TUBE1: variants seen among roughly 807,000 people sequenced by gnomAD.
TUBE1 encodes the protein tubulin epsilon 1, also known as tubulin epsilon chain.
Under a neutral mutation model 53.5 loss-of-function variants are expected in TUBE1, and 34 were observed. The ratio of observed to expected loss-of-function variants is 0.64; its 90% CI spans 0.48 to 0.85. The LOEUF is 0.85. Among genes scored for constraint, TUBE1 ranks in the 40% least tolerant of loss-of-function variants. TUBE1 has a pLI of 0.00. For synonymous variants in TUBE1, 177 were observed against 198.4 expected (o/e 0.89, Z 0.91); for missense variants, 532 against 570.5 (o/e 0.93, Z 0.69).
chr6:112,081,187 T>C lies in TUBE1; in HGVS notation c.231A>G (p.Glu77=). 1 of 1,603,368 alleles carries C rather than the reference T, an allele frequency of 6.2e-7. No homozygotes were observed. The highest frequency in any genetic ancestry group is 8.5e-7 in the Non-Finnish European group (1 of 1,173,310). The part of the protein sequence containing the change: ...LKARAVLIDM[E]EGVVNEILQG... ...GCAGAATTTCATTCACTACCCCTTC[T>C]TCCATATCAATCAAGACTGCCTGAG... The change falls in exon 5 of 12, where the codon GAA becomes GAG. Residue 77 remains glutamate, a synonymous_variant. Transcript: ENST00000368662.
At chr6:112,087,332 G>C (rs1562607495) in intron 1 of TUBE1, 26 bp from the exon 2 acceptor site, 8 of 1,551,926 alleles carry the variant, frequency 5.2e-6, no homozygotes, top group Non-Finnish European at 7.0e-6. Context: ...AGGAAGGAAA[G>C]AGAATAGGAC....
At chr6:112,071,599 A>T in intron 11 of TUBE1, 29 bp from the exon 12 acceptor site, 3 of 1,549,856 alleles carry the variant, frequency 1.9e-6, no homozygotes, top group Non-Finnish European at 2.6e-6. Context: ...GGTAACGTTT[A>T]CCATTTCAGG....
intron 3 of TUBE1, chr6:112,085,646 A>C (rs782574371): frequency 3.8e-5 from 18 of 471,010 alleles, no homozygotes; most frequent in South Asian, 2.8e-4. Context: ...AAATAAATAT[A>C]AATGATACCA....
intron 2 of TUBE1, 53 bp downstream of exon 2, chr6:112,087,180 G>C: frequency 6.8e-7 from 1 of 1,468,414 alleles, no homozygotes; most frequent in Admixed American, 2.0e-5. Flanking sequence ...TCCTGCGTAT[G>C]GGCTGGAAGA....
chr6:112,079,815 C>T lies in TUBE1; in HGVS notation c.327-61G>A, dbSNP rs1290938254. 59 of 1,481,818 alleles carry T rather than the reference C, an allele frequency of 4.0e-5. 1 individual carries two copies. In the Admixed American group the frequency reaches 1.3e-3, roughly 33 times the overall value. The allele number at this position is 1,481,818 out of a possible 1,614,324, so 91.8% of individuals were successfully genotyped here. A position where few individuals can be genotyped will look rare whatever the true frequency, so the allele number is the denominator to read the frequency against. ...CATTTATTTTTTTATTTGATTAGTT[C>T]TAATCTAAATAAAAGGATTTTAAAC... On this transcript the variant is annotated intron_variant, in intron 5 of 11. Transcript: ENST00000368662.
At chr6:112,087,083 C>T in intron 2 of TUBE1, 150 bp downstream of exon 2, 2 of 697,248 alleles carry the variant, frequency 2.9e-6, no homozygotes, top group Non-Finnish European at 4.8e-6. Context: ...GTGTGTCTGA[C>T]GCAACATGTT....
chr6:112,071,816 CCT>C (rs1583590787), intron 11 of TUBE1, 84 bp downstream of exon 11: 31 of 1,307,462 alleles, frequency 2.4e-5, no homozygotes, highest in Admixed American at 5.1e-5. Context: ...AAACATCACC[CCT>C]GATTTGTAAT....
chr6:112,079,151 T>G (rs1309887067), intron 6 of TUBE1, among the ~76,000 whole-genome samples: 1 of 152,002 alleles, frequency 6.6e-6, no homozygotes, highest in Non-Finnish European at 1.5e-5. Flanking sequence ...TAAACTAGTT[T>G]CCTTTTTTTT....
At chr6:112,071,640 T>C in intron 11 of TUBE1, 70 bp from the exon 12 acceptor site, 1 of 1,252,962 alleles carries the variant, frequency 8.0e-7, no homozygotes, top group Non-Finnish European at 1.1e-6. Context: ...TCCTAAAAGG[T>C]AAATATTCCT....
chr6:112,075,064 CTTTCTTTTTT>C (rs1776937280), intron 8 of TUBE1: 5 of 165,322 alleles, frequency 3.0e-5, no homozygotes, highest in Non-Finnish European at 4.5e-5. Context: ...TTTTTTTTTT[CTTTCTTTTTT>C]TTTTTTTTTT....
chr6:112,071,320 A>G lies in TUBE1; in HGVS notation c.*92T>C, dbSNP rs587647387. ...CAAAAATATTTCCCGATAATATGAA[A>G]AAACTGGAGTTTCCAAATTACAAAA... On this transcript the variant is annotated 3_prime_UTR_variant, in exon 12 of 12. Coordinates refer to ENST00000368662, the MANE Select transcript of TUBE1 (RefSeq NM_016262.5). The G allele has an allele frequency of 3.0e-5, 37 of 1,241,480 alleles. No homozygotes were observed. The African/African-American group carries it at 5.0e-4, about 17-fold the overall frequency. The allele number at this position is 1,241,480 out of a possible 1,614,324, so 76.9% of individuals were successfully genotyped here.
intron 11 of TUBE1, 74 bp downstream of exon 11, chr6:112,071,828 T>G (rs967480887): frequency 1.9e-5 from 26 of 1,382,670 alleles, no homozygotes; most frequent in Non-Finnish European, 2.5e-5. Context: ...TGATTTGTAA[T>G]AGTGTAATTT....
chr6:112,075,044 A>C, intron 8 of TUBE1, 194 bp from the exon 9 acceptor site: 1 of 292,536 alleles, frequency 3.4e-6, no homozygotes, highest in African/African-American at 2.2e-5. Context: ...TATAACACAC[A>C]ACATCTACAT....
rs1776895852 is a variant in TUBE1, at chr6:112,072,978, A to G, written c.954-80T>C. 5 of 1,358,336 alleles carry G rather than the reference A, an allele frequency of 3.7e-6. No individual in the cohort carries two copies. The Admixed American group carries it at 6.0e-5, about 16-fold the overall frequency. 84.1% of individuals were successfully genotyped at this position (1,358,336 alleles called of 1,614,324 possible). A position where few individuals can be genotyped will look rare whatever the true frequency, so the allele number is the denominator to read the frequency against. On this transcript the variant is annotated intron_variant, in intron 9 of 11. Coordinates refer to ENST00000368662, the MANE Select transcript of TUBE1 (RefSeq NM_016262.5). ...AACTATAAAATGAAGATAGTCCTCT[A>G]TAAGTAAGAAACCACACTAAATATT...
intron 3 of TUBE1, among the ~76,000 whole-genome samples, chr6:112,086,330 A>T (rs1777155654): frequency 6.6e-6 from 1 of 152,220 alleles, no homozygotes; most frequent in South Asian, 2.1e-4. Context: ...AATGAAACTT[A>T]TTTCAAGGTT....
chr6:112,082,054 T>C (rs1554316841), intron 4 of TUBE1, among the ~76,000 whole-genome samples: 1 of 152,150 alleles, frequency 6.6e-6, no homozygotes, highest in African/African-American at 2.4e-5. Context: ...AAGTGCTCGG[T>C]TTATGGCTTT....
chr6:112,085,772 A>G, intron 3 of TUBE1: 1 of 466,902 alleles, frequency 2.1e-6, no homozygotes, highest in Non-Finnish European at 4.4e-6. Flanking sequence ...TGTGCCTATG[A>G]AAATGAGAAT....
chr6:112,073,796 G>C (rs1776908201), intron 9 of TUBE1, among the ~76,000 whole-genome samples: 1 of 152,158 alleles, frequency 6.6e-6, no homozygotes, highest in South Asian at 2.1e-4. Context: ...TTTAGAGACA[G>C]GGTCTGTCTT....
chr6:112,083,292 T>C (rs1045162991), intron 4 of TUBE1, among the ~76,000 whole-genome samples: 1 of 151,472 alleles, frequency 6.6e-6, no homozygotes, highest in South Asian at 2.1e-4. Context: ...CCAGGTCTGA[T>C]CCTTGGCATC....
Sources: gnomAD v4.1 joint callset for allele counts (sites outside exome capture counted in the v4.1 genomes callset) on GRCh38, gnomAD v4.1.1 for gene constraint, MANE v1.5 for transcripts, NCBI Gene and HGNC (gene_info 2026-07-23, HGNC 2026-07-21) for gene names.